The following TMEM132C variants were observed in gnomAD, a reference collection of about 807,000 sequenced individuals.
TMEM132C encodes the protein protein phosphatase 1, regulatory subunit 152.
TMEM132C carries 29 observed loss-of-function variants against 61.4 expected under a neutral mutation model. The observed-to-expected ratio is 0.47, with a 90% CI of 0.35 to 0.64. The LOEUF (loss-of-function observed/expected upper bound fraction) is 0.64. Among genes scored for constraint, TMEM132C ranks in the 30% least tolerant of loss-of-function variants. TMEM132C has a pLI of 0.00. For synonymous variants in TMEM132C, 656 were observed against 633.1 expected, an observed-to-expected ratio of 1.04 and a Z score of -0.54; for missense variants, 1,408 against 1,476.9, an observed-to-expected ratio of 0.95 and a Z score of 0.76.
intron 3 of TMEM132C, among the ~76,000 whole-genome samples, chr12:128,604,677 C>G (rs1419109704): frequency 6.6e-6 from 1 of 150,626 alleles, no homozygotes; most frequent in Non-Finnish European, 1.5e-5. Context: ...ATAGATAGAT[C>G]ATAGAGGGGT....
rs1378799136 is a variant in TMEM132C at position 128,305,618 on chromosome 12, C to T, written c.85+38131C>T. 2.6e-5 allele frequency among the ~76,000 whole-genome samples: 4 copies of T among 150,996 alleles called. No homozygotes were observed. In the East Asian group the frequency reaches 5.8e-4, roughly 22 times the overall value. ...CTGTTAAACAGTGGGCATTAGATGA[C>T]ATTTAAACATCATTATCTTATGCTC... On this transcript the variant is annotated intron_variant, in intron 1 of 8. Coordinates refer to ENST00000435159, the MANE Select transcript of TMEM132C (RefSeq NM_001136103.3).
intron 5 of TMEM132C, among the ~76,000 whole-genome samples, chr12:128,675,391 A>C (rs1184535089): frequency 2.0e-5 from 3 of 152,226 alleles, no homozygotes; most frequent in African/African-American, 7.2e-5. Flanking sequence ...AGGTCACGCA[A>C]CTTGTACATG....
At chr12:128,389,147 C>CTTCA (rs530425854) in intron 1 of TMEM132C, among the ~76,000 whole-genome samples, 62 of 152,310 alleles carry the variant, frequency 4.1e-4, no homozygotes, top group East Asian at 1.9e-3. Context: ...TTTGTTCCTA[C>CTTCA]TTCATTCATT....
intron 3 of TMEM132C, among the ~76,000 whole-genome samples, chr12:128,585,788 G>A (rs1451780377): frequency 6.6e-6 from 1 of 152,214 alleles, no homozygotes; most frequent in Non-Finnish European, 1.5e-5. Flanking sequence ...TCGGCCCGTC[G>A]CTGAAGGATG....
chr12:128,280,097 C>T (rs970086327), intron 1 of TMEM132C, among the ~76,000 whole-genome samples: 2 of 152,166 alleles, frequency 1.3e-5, no homozygotes, highest in African/African-American at 2.4e-5. Context: ...ATGCTGCCTG[C>T]TACATACATG....
intron 2 of TMEM132C, among the ~76,000 whole-genome samples, chr12:128,523,572 C>T (rs550279339): frequency 1.6e-4 from 25 of 152,182 alleles, no homozygotes; most frequent in Middle Eastern, 3.4e-3. Context: ...CCATTTCTCA[C>T]GAACATTCCA....
At chr12:128,462,158 T>A (rs1870553931) in intron 2 of TMEM132C, among the ~76,000 whole-genome samples, 1 of 152,168 alleles carries the variant, frequency 6.6e-6, no homozygotes, top group East Asian at 1.9e-4. Flanking sequence ...CAGGCTGGAG[T>A]GCAGTGGTGC....
intron 5 of TMEM132C, among the ~76,000 whole-genome samples, chr12:128,683,825 G>T (rs1329420269): frequency 6.6e-6 from 1 of 152,090 alleles, no homozygotes; most frequent in African/African-American, 2.4e-5. Context: ...TATTAGCCAG[G>T]CATGGTGGTG....
At chr12:128,514,055 G>C (rs543402464) in intron 2 of TMEM132C, among the ~76,000 whole-genome samples, 1 of 152,314 alleles carries the variant, frequency 6.6e-6, no homozygotes, top group South Asian at 2.1e-4. Flanking sequence ...CTGCACAGCA[G>C]GGTAGTCAGA....
intron 2 of TMEM132C, among the ~76,000 whole-genome samples, chr12:128,509,152 T>G (rs1872488915): frequency 6.6e-6 from 1 of 152,202 alleles, no homozygotes; most frequent in Admixed American, 6.5e-5. Context: ...AACAAATGAC[T>G]GAGTCAAGCC....
chr12:128,353,407 C>A (rs1873401621), intron 1 of TMEM132C, among the ~76,000 whole-genome samples: 1 of 152,138 alleles, frequency 6.6e-6, no homozygotes, highest in Non-Finnish European at 1.5e-5. Flanking sequence ...CGATCTGAGA[C>A]CCCGGGAGTC....
Position 128,347,008 on chromosome 12 carries a change from A to T in TMEM132C, c.86-67724A>T, listed in dbSNP as rs536957623. 1.1e-4 allele frequency among the ~76,000 whole-genome samples: 17 copies of T among 152,060 alleles called. No homozygotes were observed. The East Asian group carries it at 3.1e-3, about 28-fold the overall frequency. On this transcript the variant is annotated intron_variant, in intron 1 of 8. Coordinates refer to ENST00000435159, the MANE Select transcript of TMEM132C (RefSeq NM_001136103.3). ...AAGCTCTTTAGTGGTGATTTCTGAG[A>T]TTGTGGTGCACTGGTCACCCGAGCA...
At chr12:128,391,444 A>G (rs530264180) in intron 1 of TMEM132C, among the ~76,000 whole-genome samples, 147 of 152,310 alleles carry the variant, frequency 9.7e-4, no homozygotes, top group African/African-American at 3.4e-3. Flanking sequence ...CAGGAAAGGT[A>G]CCTTCAATAT....
intron 2 of TMEM132C, among the ~76,000 whole-genome samples, chr12:128,499,963 C>G (rs538171412): frequency 6.6e-6 from 1 of 152,290 alleles, no homozygotes; most frequent in South Asian, 2.1e-4. Context: ...AGCCTCCATA[C>G]TGTTCTCTAT....
At chr12:128,613,908 G>A (rs994889414) in intron 3 of TMEM132C, among the ~76,000 whole-genome samples, 9 of 152,178 alleles carry the variant, frequency 5.9e-5, no homozygotes, top group Non-Finnish European at 1.3e-4. Flanking sequence ...AGCATATTTG[G>A]TGTTTCTTTC....
intron 3 of TMEM132C, among the ~76,000 whole-genome samples, chr12:128,551,393 A>G (rs1320554165): frequency 1.3e-5 from 2 of 152,170 alleles, no homozygotes; most frequent in Non-Finnish European, 2.9e-5. Context: ...ACTCAGACCC[A>G]GGAAGACAGC....
intron 1 of TMEM132C, among the ~76,000 whole-genome samples, chr12:128,380,896 C>G (rs150452556): frequency 2.6e-5 from 4 of 152,316 alleles, no homozygotes; most frequent in African/African-American, 9.6e-5. Flanking sequence ...TTGACTCATT[C>G]ACATTGAACT....
At chr12:128,620,348 A>C (rs946426679) in intron 4 of TMEM132C, among the ~76,000 whole-genome samples, 4 of 152,166 alleles carry the variant, frequency 2.6e-5, no homozygotes, top group Non-Finnish European at 5.9e-5. Flanking sequence ...TCAACAGACA[A>C]AGTTTGCCTT....
chr12:128,505,643 A>G (rs887240234), intron 2 of TMEM132C, among the ~76,000 whole-genome samples: 8 of 152,248 alleles, frequency 5.3e-5, no homozygotes, highest in Non-Finnish European at 7.3e-5. Context: ...GAGGCCCTCA[A>G]TAGCCATTGC....
Sources: allele counts gnomAD v4.1 joint callset (sites outside exome capture counted in the v4.1 genomes callset), GRCh38; gene constraint gnomAD v4.1.1; transcripts MANE v1.5; gene names NCBI Gene and HGNC (gene_info 2026-07-23, HGNC 2026-07-21).